Variants in COL4A3 observed in about 807,000 individuals in gnomAD.
COL4A3 encodes collagen alpha-3(IV) chain.
Under a neutral mutation model 217.4 loss-of-function variants are expected in COL4A3, and 135 were observed. The ratio of observed to expected loss-of-function variants is 0.62; its 90% CI spans 0.54 to 0.72. The LOEUF is 0.72. COL4A3 is among the 30% of genes least tolerant of loss of function. The pLI, the probability that COL4A3 is intolerant of heterozygous loss-of-function variation, is 0.00. For missense variants in COL4A3, 1,868 were observed against 2,119.9 expected, an observed-to-expected ratio of 0.88 and a Z score of 2.33; for synonymous variants, 690 against 736.3, an observed-to-expected ratio of 0.94 and a Z score of 1.02.
intron 49 of COL4A3, 58 bp from the exon 50 acceptor site, chr2:227,309,146 C>T: frequency 3.1e-6 from 5 of 1,608,964 alleles, no homozygotes; most frequent in Middle Eastern, 1.7e-4. Context: ...GAATGAAAGG[C>T]AGCACATGAC....
Position 227,313,736 on chromosome 2 carries a change from TAAC to T in COL4A3, c.*1869_*1871del, listed in dbSNP as rs2073817607. 1 of 152,520 alleles carries T rather than the reference TAAC, an allele frequency of 6.6e-6. No homozygotes were observed. The highest frequency in any genetic ancestry group is 2.4e-5 in the African/African-American group (1 of 41,462). The allele number at this position is 152,520 out of a possible 1,614,324, so 9.4% of individuals were successfully genotyped here. ...AGCATTTCACTTATTTAGATTCACTTAACAAACAAATTTTTCTGCTTTAAAAAT... is the reference window on the plus strand; with the variant it reads ...AGCATTTCACTTATTTAGATTCACTTAAACAAATTTTTCTGCTTTAAAAAT... On this transcript the variant is annotated 3_prime_UTR_variant, in exon 52 of 52. Transcript: ENST00000396578.
At chr2:227,264,605 T>C (rs1357249744) in intron 21 of COL4A3, 8 of 153,694 alleles carry the variant, frequency 5.2e-5, no homozygotes, top group Admixed American at 5.1e-4. Context: ...TAGCATTCTG[T>C]GTTGGCTCAT....
At chr2:227,276,354 C>T (rs548861386) in intron 26 of COL4A3, 31 bp from the exon 27 acceptor site, 3 of 1,496,734 alleles carry the variant, frequency 2.0e-6, no homozygotes, top group Middle Eastern at 3.4e-4. Context: ...TCAATATATA[C>T]CCCAATCTTA....
chr2:227,256,458 C>T (rs2070182552), intron 17 of COL4A3, 62 bp downstream of exon 17: 4 of 1,327,146 alleles, frequency 3.0e-6, no homozygotes, highest in South Asian at 1.2e-5. Flanking sequence ...TTTACTTTTA[C>T]CTCCAACCCT....
intron 15 of COL4A3, among the ~76,000 whole-genome samples, chr2:227,255,556 G>C (rs964709491): frequency 1.3e-5 from 2 of 152,110 alleles, no homozygotes; most frequent in Non-Finnish European, 2.9e-5. Context: ...CAAACTGCCG[G>C]TTGAGATACC....
At chr2:227,192,543 GAAAGTCTTC>G (rs2066285076) in intron 1 of COL4A3, among the ~76,000 whole-genome samples, 3 of 152,186 alleles carry the variant, frequency 2.0e-5, no homozygotes, top group African/African-American at 4.8e-5. Context: ...TTGGGGCTTT[GAAAGTCTTC>G]AAACCCCACC....
chr2:227,256,459 C>T lies in COL4A3; in HGVS notation c.987+63C>T, dbSNP rs145165068. ...GTTTTGCCTGTGCTTTTACTTTTAC[C>T]TCCAACCCTGGACCTAAGTACAAGG... On this transcript the variant is annotated intron_variant, in intron 17 of 51. Transcript: ENST00000396578. 4.7e-4 allele frequency: 626 copies of T among 1,329,192 alleles called. 2 individuals are homozygous for T. In the East Asian group the frequency reaches 0.011, roughly 24 times the overall value. 82.3% of individuals were successfully genotyped at this position (1,329,192 alleles called of 1,614,324 possible). A position where few individuals can be genotyped will look rare whatever the true frequency, so the allele number is the denominator to read the frequency against.
intron 13 of COL4A3, 54 bp from the exon 14 acceptor site, chr2:227,254,058 C>A: frequency 6.7e-7 from 1 of 1,492,062 alleles, no homozygotes; most frequent in South Asian, 1.1e-5. Flanking sequence ...ACTGTTGAAT[C>A]AGTGAAATCT....
At chr2:227,277,692 C>T (rs2071667283) in intron 28 of COL4A3, 139 bp downstream of exon 28, 3 of 640,690 alleles carry the variant, frequency 4.7e-6, no homozygotes, top group East Asian at 2.8e-5. Flanking sequence ...TAGGAAATAT[C>T]CATAATACTC....
At chr2:227,287,420 A>G (rs1022488817) in intron 34 of COL4A3, among the ~76,000 whole-genome samples, 58 of 149,020 alleles carry the variant, frequency 3.9e-4, no homozygotes, top group African/African-American at 1.1e-3. Context: ...AGAAAGCAAG[A>G]CTCCGTCTCA....
chr2:227,218,209 G>A (rs2125811566), intron 1 of COL4A3, among the ~76,000 whole-genome samples: 1 of 151,960 alleles, frequency 6.6e-6, no homozygotes, highest in South Asian at 2.1e-4. Flanking sequence ...GCTCACGCCT[G>A]TAATCGCAGC....
chr2:227,194,112 GAAGA>G (rs2066376927), intron 1 of COL4A3, among the ~76,000 whole-genome samples: 1 of 151,130 alleles, frequency 6.6e-6, no homozygotes. Context: ...AGGAAGGAAG[GAAGA>G]GTCCTATGGG....
chr2:227,198,781 T>C (rs571594662), intron 1 of COL4A3, among the ~76,000 whole-genome samples: 1 of 152,294 alleles, frequency 6.6e-6, no homozygotes, highest in East Asian at 1.9e-4. Flanking sequence ...GAAAAGATAT[T>C]CCATATTTAT....
intron 2 of COL4A3, among the ~76,000 whole-genome samples, chr2:227,238,505 A>G (rs1380559396): frequency 3.9e-5 from 6 of 152,168 alleles, no homozygotes; most frequent in Non-Finnish European, 8.8e-5. Flanking sequence ...TAGCAGAGGG[A>G]AGTAGCTCCA....
chr2:227,216,146 A>T (rs1196547430), intron 1 of COL4A3, among the ~76,000 whole-genome samples: 1 of 152,194 alleles, frequency 6.6e-6, no homozygotes, highest in African/African-American at 2.4e-5. Context: ...AGAATTCTGG[A>T]GATTAATTGT....
At chr2:227,305,190 T>C (rs2073452064) in intron 47 of COL4A3, 107 bp downstream of exon 47, 1 of 934,316 alleles carries the variant, frequency 1.1e-6, no homozygotes, top group Non-Finnish European at 1.7e-6. Context: ...TGAGTTTATG[T>C]TGTTCAGATC....
chr2:227,206,497 G>A (rs2067106714), intron 1 of COL4A3, among the ~76,000 whole-genome samples: 1 of 152,224 alleles, frequency 6.6e-6, no homozygotes, highest in African/African-American at 2.4e-5. Context: ...AGGGAAGGAA[G>A]GACAGCAGGA....
intron 37 of COL4A3, among the ~76,000 whole-genome samples, chr2:227,291,593 CAAAAAAAAAA>C (rs869124557): frequency 2.1e-5 from 1 of 47,956 alleles, no homozygotes; most frequent in Admixed American, 2.5e-4. Context: ...AAAAAAAAAA[CAAAAAAAAAA>C]ACACTTGTCT....
At chr2:227,184,520 T>A (rs992114388) in intron 1 of COL4A3, among the ~76,000 whole-genome samples, 1 of 152,210 alleles carries the variant, frequency 6.6e-6, no homozygotes, top group African/African-American at 2.4e-5. Context: ...AGTCTTATAT[T>A]TTGTACCAAG....
Sources: allele counts gnomAD v4.1 joint callset (sites outside exome capture counted in the v4.1 genomes callset), GRCh38; gene constraint gnomAD v4.1.1; transcripts MANE v1.5; gene names NCBI Gene and HGNC (gene_info 2026-07-23, HGNC 2026-07-21).